ALK: variants seen among roughly 807,000 people sequenced by gnomAD.
ALK encodes ALK tyrosine kinase receptor.
A neutral mutation model predicts 163.1 loss-of-function variants in ALK; 74 were observed. The ratio of observed to expected loss-of-function variants is 0.45; its 90% CI spans 0.38 to 0.55. The LOEUF (loss-of-function observed/expected upper bound fraction) is 0.55, where lower values mean the gene tolerates loss of function less well. Ranked by LOEUF, ALK falls within the 20% of genes least tolerant of loss-of-function variation. The probability of loss-of-function intolerance (pLI) is 0.00; values close to 1 mark genes in which losing one functional copy is unlikely to be tolerated. For synonymous variants in ALK, 960 were observed against 843.2 expected (o/e 1.14, Z -2.40); for missense variants, 2,063 against 2,105.3 (o/e 0.98, Z 0.39).
intron 5 of ALK, among the ~76,000 whole-genome samples, chr2:29,335,972 G>T (rs1276706321): frequency 6.6e-6 from 1 of 152,128 alleles, no homozygotes; most frequent in Non-Finnish European, 1.5e-5. Context: ...CCTGGGAGGC[G>T]GAGGTTGCAG....
intron 3 of ALK, among the ~76,000 whole-genome samples, chr2:29,631,072 C>T (rs1676357135): frequency 6.6e-6 from 1 of 152,180 alleles, no homozygotes; most frequent in South Asian, 2.1e-4. Flanking sequence ...TGAATCTACA[C>T]AAACTAAATA....
chr2:29,258,405 C>A (rs1387987560), intron 11 of ALK, among the ~76,000 whole-genome samples: 1 of 152,154 alleles, frequency 6.6e-6, no homozygotes, highest in African/African-American at 2.4e-5. Context: ...TAATGTTATT[C>A]TACTTATTTA....
chr2:29,305,479 T>C (rs1460187156), intron 8 of ALK, among the ~76,000 whole-genome samples: 1 of 152,208 alleles, frequency 6.6e-6, no homozygotes, highest in Non-Finnish European at 1.5e-5. Context: ...GTGTCTAACA[T>C]TAGACAGCAC....
intron 6 of ALK, 49 bp downstream of exon 6, chr2:29,328,301 A>T (rs200674808): frequency 6.2e-7 from 1 of 1,613,628 alleles, no homozygotes; most frequent in East Asian, 2.2e-5. Context: ...CAACGGGGTT[A>T]TGAGCATGGG....
At chr2:29,303,373 A>G (rs1003106672) in intron 8 of ALK, among the ~76,000 whole-genome samples, 3 of 152,128 alleles carry the variant, frequency 2.0e-5, no homozygotes, top group Non-Finnish European at 2.9e-5. Context: ...ATTAAAAGGT[A>G]AAAAAAGAAA....
rs79933895 is a variant in ALK at position 29,315,788 on chromosome 2, G to C, written c.1647+2516C>G. On this transcript the variant is annotated intron_variant, in intron 8 of 28. Coordinates refer to ENST00000389048, the MANE Select transcript of ALK (RefSeq NM_004304.5). ...CTCTGGGAATCCACTGATGATTGTG[G>C]TGTCTTGAGATAGTGTACGATGACT... Among the ~76,000 whole-genome samples the C allele has an allele frequency of 6.5e-3, 989 of 152,282 alleles. 11 individuals are homozygous for C. The highest frequency in any genetic ancestry group is 0.023 in the African/African-American group (938 of 41,528).
chr2:29,373,259 T>A (rs1421518432), intron 5 of ALK, among the ~76,000 whole-genome samples: 1 of 152,254 alleles, frequency 6.6e-6, no homozygotes, highest in Non-Finnish European at 1.5e-5. Context: ...AATTAAAAGT[T>A]ATGAAATATT....
At chr2:29,295,975 C>G (rs1276751145) in intron 9 of ALK, among the ~76,000 whole-genome samples, 1 of 152,196 alleles carries the variant, frequency 6.6e-6, no homozygotes, top group Non-Finnish European at 1.5e-5. Context: ...GATGATACGG[C>G]AGGGTCACAT....
At chr2:29,554,778 A>G (rs1291139421) in intron 3 of ALK, among the ~76,000 whole-genome samples, 1 of 152,166 alleles carries the variant, frequency 6.6e-6, no homozygotes, top group Admixed American at 6.5e-5. Flanking sequence ...AGGATGAGAT[A>G]GGAGGTCAGT....
At chr2:29,815,354 G>A (rs533462820) in intron 1 of ALK, among the ~76,000 whole-genome samples, 1 of 152,166 alleles carries the variant, frequency 6.6e-6, no homozygotes, top group African/African-American at 2.4e-5. Context: ...AAAATAAAGG[G>A]GAAGGGGTAG....
intron 1 of ALK, among the ~76,000 whole-genome samples, chr2:29,838,644 A>C (rs774234508): frequency 4.6e-5 from 7 of 152,180 alleles, no homozygotes; most frequent in Non-Finnish European, 8.8e-5. Context: ...AGATATTATG[A>C]TAAGTGGAAG....
intron 5 of ALK, among the ~76,000 whole-genome samples, chr2:29,329,924 C>T (rs1667389493): frequency 6.6e-6 from 1 of 152,210 alleles, no homozygotes; most frequent in African/African-American, 2.4e-5. Flanking sequence ...TCAGGCCCCA[C>T]ACCTGGTATG....
chr2:29,849,847 TG>T (rs968139153), intron 1 of ALK, among the ~76,000 whole-genome samples: 6 of 152,052 alleles, frequency 3.9e-5, no homozygotes, highest in African/African-American at 1.4e-4. Flanking sequence ...GGTGGCTCTC[TG>T]GTAGTGCCCT....
rs1421240912 is a variant in ALK, at chr2:29,220,654, C to T, written c.3645+52G>A. The T allele has an allele frequency of 1.2e-5, 20 of 1,611,482 alleles. No individual in the cohort carries two copies. In the East Asian group the frequency reaches 4.2e-4, roughly 34 times the overall value. ...GCTGCCCACTCTTGCTCCTTCCATC[C>T]TTGCTCCTGTCCTTGGCACAACAAC... On this transcript the variant is annotated intron_variant, in intron 23 of 28. Transcript: ENST00000389048.
At chr2:29,885,682 C>T (rs1359929966) in intron 1 of ALK, among the ~76,000 whole-genome samples, 1 of 152,066 alleles carries the variant, frequency 6.6e-6, no homozygotes. Context: ...AGATGAGTGC[C>T]TCCAAACCAG....
chr2:29,745,075 T>A (rs1303127697), intron 1 of ALK, among the ~76,000 whole-genome samples: 1 of 152,218 alleles, frequency 6.6e-6, no homozygotes, highest in East Asian at 1.9e-4. Context: ...TTTCACTGTT[T>A]TAAATACACA....
At chr2:29,692,638 G>A (rs533860213) in intron 3 of ALK, among the ~76,000 whole-genome samples, 17 of 152,338 alleles carry the variant, frequency 1.1e-4, no homozygotes, top group African/African-American at 3.1e-4. Context: ...GACAGGAGGC[G>A]GAGCTCAGGC....
intron 1 of ALK, among the ~76,000 whole-genome samples, chr2:29,774,549 C>G (rs1028686717): frequency 4.6e-5 from 7 of 152,194 alleles, no homozygotes; most frequent in African/African-American, 1.7e-4. Context: ...CAAGAAGAAA[C>G]CAGGATTCCC....
chr2:29,410,689 T>C (rs1669705368), intron 4 of ALK, among the ~76,000 whole-genome samples: 5 of 152,140 alleles, frequency 3.3e-5, no homozygotes. Flanking sequence ...CATCTAAACA[T>C]AGAAAAAGTA....
Sources: gnomAD v4.1 joint callset for allele counts (sites outside exome capture counted in the v4.1 genomes callset) on GRCh38, gnomAD v4.1.1 for gene constraint, MANE v1.5 for transcripts, NCBI Gene and HGNC (gene_info 2026-07-23, HGNC 2026-07-21) for gene names.